Variants in TIMMDC1 observed in about 807,000 individuals in gnomAD.
The protein encoded by TIMMDC1 is complex I assembly factor TIMMDC1, mitochondrial.
A neutral mutation model predicts 32.6 loss-of-function variants in TIMMDC1; 25 were observed. The observed-to-expected ratio is 0.77, with a 90% CI of 0.56 to 1.07. The LOEUF (loss-of-function observed/expected upper bound fraction) is 1.07, where lower values mean the gene tolerates loss of function less well. Ranked by LOEUF, TIMMDC1 falls within the 50% of genes least tolerant of loss-of-function variation. TIMMDC1 has a pLI of 0.00. For synonymous variants in TIMMDC1, 130 were observed against 127.6 expected (o/e 1.02, Z -0.13); for missense variants, 329 against 349.2 (o/e 0.94, Z 0.46).
At chr3:119,520,644 T>G (rs1311132743) in intron 6 of TIMMDC1, among the ~76,000 whole-genome samples, 1 of 152,210 alleles carries the variant, frequency 6.6e-6, no homozygotes, top group African/African-American at 2.4e-5. Flanking sequence ...CATTGCTAAA[T>G]TCTGCCAAAC....
intron 4 of TIMMDC1, among the ~76,000 whole-genome samples, chr3:119,507,809 G>A (rs2107729571): frequency 6.6e-6 from 1 of 152,338 alleles, no homozygotes; most frequent in East Asian, 1.9e-4. Context: ...AGATGTGGGA[G>A]AGGGAAAGTG....
chr3:119,505,449 C>T (rs1332313709), intron 4 of TIMMDC1, among the ~76,000 whole-genome samples: 2 of 151,940 alleles, frequency 1.3e-5, no homozygotes, highest in African/African-American at 2.4e-5. Context: ...CCACAACCTC[C>T]GCCTCCCAGG....
Position 119,503,416 on chromosome 3 carries a change from TTCTA to T in TIMMDC1, c.361-112_361-109del, listed in dbSNP as rs761234639. 9.0e-6 allele frequency: 6 copies of T among 665,392 alleles called. No homozygotes were observed. In the South Asian group the frequency reaches 1.3e-4, roughly 14 times the overall value. 41.2% of individuals were successfully genotyped at this position (665,392 alleles called of 1,614,324 possible). A position where few individuals can be genotyped will look rare whatever the true frequency, so the allele number is the denominator to read the frequency against. On this transcript the variant is annotated intron_variant, in intron 2 of 6. Coordinates refer to ENST00000494664, the MANE Select transcript of TIMMDC1 (RefSeq NM_016589.4). Reference sequence around the variant, plus strand: ...AGTATTTCTAGAGATTTTCTAGTATTTCTATCTGTTTGGGTGTACCTGACTAATC... The same window carrying T: ...AGTATTTCTAGAGATTTTCTAGTATTTCTGTTTGGGTGTACCTGACTAATC...
At chr3:119,512,890 A>T (rs1429874650) in intron 4 of TIMMDC1, among the ~76,000 whole-genome samples, 2 of 152,046 alleles carry the variant, frequency 1.3e-5, no homozygotes, top group Non-Finnish European at 2.9e-5. Context: ...ACAGGCGTGC[A>T]CCACAATACC....
At chr3:119,503,491 G>A in intron 2 of TIMMDC1, 41 bp from the exon 3 acceptor site, 1 of 1,485,614 alleles carries the variant, frequency 6.7e-7, no homozygotes, top group South Asian at 1.3e-5. Flanking sequence ...AGGAAAATAT[G>A]ATGGTGTCTT....
At chr3:119,508,686 G>A (rs2081933985) in intron 4 of TIMMDC1, among the ~76,000 whole-genome samples, 1 of 152,208 alleles carries the variant, frequency 6.6e-6, no homozygotes, top group East Asian at 1.9e-4. Flanking sequence ...CCACAAGCCA[G>A]TCAGTCAGCC....
chr3:119,510,190 T>G (rs1180734126), intron 4 of TIMMDC1, among the ~76,000 whole-genome samples: 1 of 152,190 alleles, frequency 6.6e-6, no homozygotes, highest in Non-Finnish European at 1.5e-5. Context: ...CAGTAAAGTG[T>G]AAATATATAA....
At position 119,503,553 on chromosome 3, in the gene TIMMDC1, A is replaced by T; in HGVS notation, c.382A>T (p.Thr128Ser). Reference protein sequence around the residue: ...DAVQSAHRAATRGFIRYGWRW... With the variant: ...DAVQSAHRAASRGFIRYGWRW... ...TTAGCAATCTGCACATCGTGCTGCCACACGAGGCTTCATTCGTTATGGCTG... is the reference window on the plus strand; with the variant it reads ...TTAGCAATCTGCACATCGTGCTGCCTCACGAGGCTTCATTCGTTATGGCTG... Residue 128 changes from threonine (T) to serine (S), a missense_variant, in exon 3 of 7, where the codon ACA becomes TCA. Thr to Ser is a moderately conservative substitution (Grantham distance 58). Transcript: ENST00000494664. The T allele has an allele frequency of 6.2e-7, 1 of 1,611,832 alleles. No individual in the cohort carries two copies. Among genetic ancestry groups the T allele is most frequent in the South Asian group, 1.1e-5 (1 of 90,446 alleles).
chr3:119,501,092 T>G (rs1457399795), intron 2 of TIMMDC1, among the ~76,000 whole-genome samples: 2 of 152,244 alleles, frequency 1.3e-5, no homozygotes, highest in Non-Finnish European at 2.9e-5. Context: ...CCACTGTGGC[T>G]TTTCTTTCTC....
At chr3:119,500,901 T>C in intron 2 of TIMMDC1, 41 bp downstream of exon 2, 2 of 1,585,252 alleles carry the variant, frequency 1.3e-6, no homozygotes, top group Non-Finnish European at 1.7e-6. Context: ...GCACACTGAC[T>C]TAGTAATTCA....
At chr3:119,502,201 A>T (rs1233945655) in intron 2 of TIMMDC1, among the ~76,000 whole-genome samples, 2 of 152,048 alleles carry the variant, frequency 1.3e-5, no homozygotes, top group African/African-American at 4.8e-5. Context: ...TAGCATTTAT[A>T]ATTTTTTTAT....
chr3:119,508,272 A>G (rs532692536), intron 4 of TIMMDC1, among the ~76,000 whole-genome samples: 8 of 152,060 alleles, frequency 5.3e-5, no homozygotes, highest in Non-Finnish European at 8.8e-5. Flanking sequence ...CCAGCAATTT[A>G]TCATTTATAG....
chr3:119,518,403 A>G (rs1437160514), intron 6 of TIMMDC1, among the ~76,000 whole-genome samples: 4 of 151,940 alleles, frequency 2.6e-5, no homozygotes, highest in Non-Finnish European at 2.9e-5. Flanking sequence ...CTAACCACAC[A>G]CACACAGACA....
chr3:119,506,256 G>A (rs1009371275), intron 4 of TIMMDC1, among the ~76,000 whole-genome samples: 4 of 152,156 alleles, frequency 2.6e-5, no homozygotes, highest in Admixed American at 2.6e-4. Context: ...CAGGCACAGT[G>A]GCTCACGCCT....
chr3:119,498,696 C>G lies in TIMMDC1; in HGVS notation c.-38C>G, dbSNP rs1373317990. ...GGCACGTCCGCGAGGACTTGAAGTCCTGAGCGCTCAAGTTTGTCCGTAGGT... is the reference window on the plus strand; with the variant it reads ...GGCACGTCCGCGAGGACTTGAAGTCGTGAGCGCTCAAGTTTGTCCGTAGGT... On this transcript the variant is annotated 5_prime_UTR_variant, in exon 1 of 7. Transcript: ENST00000494664. The G allele has an allele frequency of 6.2e-7, 1 of 1,603,436 alleles. No homozygotes were observed. Among genetic ancestry groups the G allele is most frequent in the South Asian group, 1.1e-5 (1 of 90,580 alleles).
intron 6 of TIMMDC1, among the ~76,000 whole-genome samples, chr3:119,522,963 G>A (rs908409691): frequency 3.3e-5 from 5 of 152,128 alleles, no homozygotes; most frequent in East Asian, 1.9e-4. Context: ...AGCAGAAAAT[G>A]TAGAAAACTG....
chr3:119,502,449 C>CA lies in TIMMDC1; in HGVS notation c.361-1082dup, dbSNP rs1220555093. ...TTTGCCATGTTGCCCAGGCTGGTCT[C>CA]AGAGTCCTCAGCTCAAGCAGTTCAC... is the stretch of plus-strand genomic sequence containing the variant. On this transcript the variant is annotated intron_variant, in intron 2 of 6. Coordinates refer to ENST00000494664, the MANE Select transcript of TIMMDC1 (RefSeq NM_016589.4). Among the ~76,000 whole-genome samples the CA allele has an allele frequency of 3.1e-5, 4 of 129,184 alleles. No homozygotes were observed. The South Asian group carries it at 8.1e-4, about 26-fold the overall frequency. The allele number at this position is 129,184 out of a possible 152,430, so 84.7% of individuals were successfully genotyped here.
rs200200314 is a variant in TIMMDC1, at chr3:119,498,942, G to A, written c.194+15G>A. 5.6e-6 allele frequency: 9 copies of A among 1,613,080 alleles called. No homozygotes were observed. The highest frequency in any genetic ancestry group is 1.7e-5 in the Admixed American group (1 of 59,968). The stretch of plus-strand genomic sequence containing the variant: ...TTTGGCAAAGAGTAAAAGTGCCTAG[G>A]GTGTGAAGTGGGGTAGGGGGCCGCG... On this transcript the variant is annotated intron_variant, in intron 1 of 6. Coordinates refer to ENST00000494664, the MANE Select transcript of TIMMDC1 (RefSeq NM_016589.4).
rs76896763 is a variant in TIMMDC1 at position 119,502,809 on chromosome 3, A to C, written c.361-723A>C. Among the ~76,000 whole-genome samples, 1,120 of 152,046 alleles carry C rather than the reference A, an allele frequency of 7.4e-3. 19 individuals carry two copies. Among genetic ancestry groups the C allele is most frequent in the South Asian group, 0.071 (343 of 4,810 alleles). Reference sequence around the variant, plus strand: ...CTTGTCGGCTCAAGTGATCCTCCCTAGTTGCCTCCCAAAGTGCTGAGATTA... The same window carrying C: ...CTTGTCGGCTCAAGTGATCCTCCCTCGTTGCCTCCCAAAGTGCTGAGATTA... On this transcript the variant is annotated intron_variant, in intron 2 of 6. Transcript: ENST00000494664.
Sources: allele counts gnomAD v4.1 joint callset (sites outside exome capture counted in the v4.1 genomes callset), GRCh38; gene constraint gnomAD v4.1.1; transcripts MANE v1.5; gene names NCBI Gene and HGNC (gene_info 2026-07-23, HGNC 2026-07-21).